Variants in RFC3 observed in about 807,000 individuals in gnomAD.
RFC3 encodes replication factor C subunit 3, also known as A1 38 kDa subunit.
Under a neutral mutation model 45.1 loss-of-function variants are expected in RFC3, and 41 were observed. The observed-to-expected ratio is 0.91, with a 90% CI of 0.71 to 1.18. RFC3 has a LOEUF of 1.18. RFC3 is among the 50% of genes most tolerant of loss of function. The pLI is 0.00. For missense variants in RFC3, 423 were observed against 428.1 expected (o/e 0.99, Z 0.10); for synonymous variants, 149 against 144.0 (o/e 1.03, Z -0.25).
At chr13:33,828,691 A>T (rs1245122606) in intron 4 of RFC3, among the ~76,000 whole-genome samples, 1 of 152,068 alleles carries the variant, frequency 6.6e-6, no homozygotes, top group Non-Finnish European at 1.5e-5. Context: ...CATGCCCGGC[A>T]ATGTTTTGTA....
At chr13:33,818,326 C>T (rs1212205913) in intron 1 of RFC3, 61 bp downstream of exon 1, 3 of 1,412,374 alleles carry the variant, frequency 2.1e-6, no homozygotes, top group Middle Eastern at 1.9e-4. Context: ...GGGTTTCGCG[C>T]CCCCCTGAGG....
intron 4 of RFC3, among the ~76,000 whole-genome samples, chr13:33,826,882 C>T (rs1026953280): frequency 4.6e-5 from 7 of 152,040 alleles, no homozygotes; most frequent in African/African-American, 1.4e-4. Context: ...ATAGAGATAG[C>T]AGATGTCCAT....
Position 33,836,593 on chromosome 13 carries a change from ATC to A in RFC3, c.*303_*304del, listed in dbSNP as rs2082157280. ...TGATCCTCCTATTCTCTTCCGTCTA[ATC>A]TCTCACCTGCTAAAGGAGATTTACA... On this transcript the variant is annotated 3_prime_UTR_variant, in exon 9 of 9. Coordinates refer to ENST00000380071, the MANE Select transcript of RFC3 (RefSeq NM_002915.4). 1.9e-6 allele frequency: 2 copies of A among 1,051,934 alleles called. No individual in the cohort carries two copies. Among genetic ancestry groups the A allele is most frequent in the Non-Finnish European group, 2.3e-6 (2 of 871,806 alleles). 65.2% of individuals were successfully genotyped at this position (1,051,934 alleles called of 1,614,324 possible). A position where few individuals can be genotyped will look rare whatever the true frequency, so the allele number is the denominator to read the frequency against.
intron 8 of RFC3, among the ~76,000 whole-genome samples, chr13:33,932,142 T>G (rs2082856537): frequency 6.6e-6 from 1 of 152,138 alleles, no homozygotes; most frequent in Non-Finnish European, 1.5e-5. Context: ...AGCATGAAAT[T>G]TACCATCTCA....
rs3135532 is a variant in RFC3 at position 33,818,157 on chromosome 13, G to C, written c.-22G>C. The C allele has an allele frequency of 2.5e-6, 4 of 1,603,982 alleles. No homozygotes were observed. The South Asian group carries it at 3.3e-5, about 13-fold the overall frequency. On this transcript the variant is annotated 5_prime_UTR_variant, in exon 1 of 9. Coordinates refer to ENST00000380071, the MANE Select transcript of RFC3 (RefSeq NM_002915.4). The stretch of plus-strand genomic sequence containing the variant: ...GCTCGCGCGGGATTTTCAAGCGTAG[G>C]CCCCCGGGAACTCGAGCTGCCATGA...
chr13:33,872,051 A>T (rs1023045225), intron 8 of RFC3, among the ~76,000 whole-genome samples: 4 of 151,770 alleles, frequency 2.6e-5, no homozygotes, highest in African/African-American at 9.7e-5. Flanking sequence ...TGTTTCTTCA[A>T]TTTTTTTTCT....
chr13:33,933,131 A>T (rs1038374878), intron 8 of RFC3, among the ~76,000 whole-genome samples: 1 of 152,140 alleles, frequency 6.6e-6, no homozygotes, highest in African/African-American at 2.4e-5. Context: ...CATTGATGCA[A>T]ATGCTTATGG....
intron 8 of RFC3, among the ~76,000 whole-genome samples, chr13:33,844,619 A>G (rs986168866): frequency 6.6e-6 from 1 of 152,208 alleles, no homozygotes; most frequent in Non-Finnish European, 1.5e-5. Context: ...ACTGATGACA[A>G]TTTAACACTA....
chr13:33,878,627 G>C (rs2082463112), intron 8 of RFC3, among the ~76,000 whole-genome samples: 1 of 152,196 alleles, frequency 6.6e-6, no homozygotes, highest in African/African-American at 2.4e-5. Flanking sequence ...ACATGCATCT[G>C]AAGAGATGGA....
chr13:33,906,892 A>G (rs1396959830), intron 8 of RFC3, among the ~76,000 whole-genome samples: 1 of 152,030 alleles, frequency 6.6e-6, no homozygotes, highest in African/African-American at 2.4e-5. Flanking sequence ...GCAGTGAAGT[A>G]ATCATGGTTC....
the RFC3 span, among the ~76,000 whole-genome samples, chr13:33,973,202 C>A: frequency 6.6e-6 from 1 of 151,978 alleles, no homozygotes. Context: ...GGTTAAACTG[C>A]AAGTTCTATA....
At chr13:33,961,124 A>G (rs184865583) in intron 8 of RFC3, among the ~76,000 whole-genome samples, 2 of 152,256 alleles carry the variant, frequency 1.3e-5, no homozygotes, top group East Asian at 1.9e-4. Context: ...ATGAAACTCA[A>G]ATTTTACTGA....
intron 4 of RFC3, 36 bp downstream of exon 4, chr13:33,825,922 C>A: frequency 1.5e-6 from 2 of 1,318,872 alleles, no homozygotes; most frequent in Non-Finnish European, 2.2e-6. Context: ...ATGAAGCTGC[C>A]AAGCATTAGT....
chr13:33,884,349 G>A (rs1276488137), intron 8 of RFC3, among the ~76,000 whole-genome samples: 1 of 152,148 alleles, frequency 6.6e-6, no homozygotes. Flanking sequence ...TGGGAAATGA[G>A]GTCAGGTAAA....
chr13:33,937,104 G>C (rs9539266), intron 8 of RFC3, among the ~76,000 whole-genome samples: 72,871 of 151,992 alleles, frequency 0.48, 18,112 homozygotes, highest in Middle Eastern at 0.6. Flanking sequence ...CATGTACCAT[G>C]TAATGTTTCA....
intron 8 of RFC3, among the ~76,000 whole-genome samples, chr13:33,883,217 T>A (rs2082496779): frequency 6.6e-6 from 1 of 152,164 alleles, no homozygotes; most frequent in Non-Finnish European, 1.5e-5. Flanking sequence ...CCTGCAAAAA[T>A]ATTGGAACTC....
intron 8 of RFC3, among the ~76,000 whole-genome samples, chr13:33,882,915 C>A (rs2082494856): frequency 6.6e-6 from 1 of 152,162 alleles, no homozygotes; most frequent in African/African-American, 2.4e-5. Flanking sequence ...CCTTTGAGAT[C>A]CATCCAAGTT....
At chr13:33,955,947 G>T (rs1439343612) in intron 8 of RFC3, among the ~76,000 whole-genome samples, 3 of 152,204 alleles carry the variant, frequency 2.0e-5, no homozygotes, top group Non-Finnish European at 4.4e-5. Flanking sequence ...TAAAGTGTTG[G>T]TTAATAATGC....
chr13:33,888,443 A>G (rs984999741), intron 8 of RFC3, among the ~76,000 whole-genome samples: 1 of 151,850 alleles, frequency 6.6e-6, no homozygotes, highest in African/African-American at 2.4e-5. Flanking sequence ...TTGTAATTTT[A>G]TAATATATTG....
Sources: gnomAD v4.1 joint callset for allele counts (sites outside exome capture counted in the v4.1 genomes callset) on GRCh38, gnomAD v4.1.1 for gene constraint, MANE v1.5 for transcripts, NCBI Gene and HGNC (gene_info 2026-07-23, HGNC 2026-07-21) for gene names.